Variants in WDR72 observed in about 807,000 individuals in gnomAD.
The protein encoded by WDR72 is WD repeat domain 72, also known as WD repeat-containing protein 72.
Under a neutral mutation model 124.2 loss-of-function variants are expected in WDR72, and 120 were observed. That is an observed-to-expected ratio of 0.97 (90% CI 0.83 to 1.12). The LOEUF is 1.12. WDR72 is among the 50% of genes most tolerant of loss of function. The pLI is 0.00. For missense variants in WDR72, 1,387 were observed against 1,278.8 expected (o/e 1.08, Z -1.29); for synonymous variants, 452 against 441.7 (o/e 1.02, Z -0.29).
intron 14 of WDR72, among the ~76,000 whole-genome samples, chr15:53,634,657 G>A (rs1484594589): frequency 6.6e-6 from 1 of 152,166 alleles, no homozygotes; most frequent in Non-Finnish European, 1.5e-5. Context: ...AGAACAGAAA[G>A]TCCTTTAGAC....
At chr15:53,607,641 G>A (rs1306182385) in intron 17 of WDR72, among the ~76,000 whole-genome samples, 2 of 152,056 alleles carry the variant, frequency 1.3e-5, no homozygotes, top group Non-Finnish European at 2.9e-5. Flanking sequence ...GGCAACCAAT[G>A]CAAAAATGGA....
intron 1 of WDR72, among the ~76,000 whole-genome samples, chr15:53,733,604 A>G (rs890671172): frequency 2.0e-5 from 3 of 152,206 alleles, no homozygotes; most frequent in Non-Finnish European, 2.9e-5. Flanking sequence ...TGAATTTGCT[A>G]TTAAAAAAAT....
intron 1 of WDR72, among the ~76,000 whole-genome samples, chr15:53,739,942 C>T (rs943579189): frequency 6.6e-5 from 10 of 152,152 alleles, no homozygotes; most frequent in African/African-American, 2.4e-4. Context: ...GAAATTCACC[C>T]ACCCTGCTGA....
chr15:53,665,152 T>C (rs918141964), intron 14 of WDR72, among the ~76,000 whole-genome samples: 14 of 152,272 alleles, frequency 9.2e-5, no homozygotes, highest in Admixed American at 6.5e-4. Flanking sequence ...CCTACAGATA[T>C]TGGTTATATC....
chr15:53,533,618 T>C (rs1892601966), intron 18 of WDR72, among the ~76,000 whole-genome samples: 1 of 152,136 alleles, frequency 6.6e-6, no homozygotes, highest in Non-Finnish European at 1.5e-5. Context: ...TCAACTCGCA[T>C]TTAGCGATTT....
At chr15:53,624,143 G>C (rs903812181) in intron 14 of WDR72, among the ~76,000 whole-genome samples, 3 of 152,126 alleles carry the variant, frequency 2.0e-5, no homozygotes, top group Non-Finnish European at 4.4e-5. Flanking sequence ...AGGGTAAGAA[G>C]GTATGCATAT....
intron 13 of WDR72, among the ~76,000 whole-genome samples, chr15:53,670,857 C>T (rs2015960776): frequency 6.6e-6 from 1 of 152,176 alleles, no homozygotes; most frequent in African/African-American, 2.4e-5. Flanking sequence ...TAACAAACCT[C>T]TTTGGCCCCC....
At chr15:53,681,216 C>G (rs1036581431) in intron 13 of WDR72, among the ~76,000 whole-genome samples, 1 of 152,172 alleles carries the variant, frequency 6.6e-6, no homozygotes, top group Non-Finnish European at 1.5e-5. Flanking sequence ...CTGAGTCTTG[C>G]GTTTCCAATT....
intron 18 of WDR72, among the ~76,000 whole-genome samples, chr15:53,530,970 A>T (rs1022316224): frequency 6.6e-6 from 1 of 152,094 alleles, no homozygotes; most frequent in African/African-American, 2.4e-5. Context: ...GCTGACAGCC[A>T]TCTCTATCTC....
rs2140193322 is a variant in WDR72, at chr15:53,517,170, T to G, written c.*529A>C. ...GGTATTTGTTGACAACATTTCATGC[T>G]TAGGGATGAGATTTACTGCAGTAAT... On this transcript the variant is annotated 3_prime_UTR_variant, in exon 20 of 20. Coordinates refer to ENST00000360509, the MANE Select transcript of WDR72 (RefSeq NM_182758.4). 1 of 162,756 alleles carries G rather than the reference T, an allele frequency of 6.1e-6. No individual in the cohort carries two copies. The highest frequency in any genetic ancestry group is 1.7e-4 in the East Asian group (1 of 5,764). The allele number at this position is 162,756 out of a possible 1,614,324, so 10.1% of individuals were successfully genotyped here.
Position 53,722,823 on chromosome 15 carries a change from A to C in WDR72, c.239T>G (p.Ile80Ser). Residue 80 changes from isoleucine to serine, a missense_variant, in exon 3 of 20, where the codon ATT (isoleucine) becomes AGT (serine). By Grantham distance (142) the Ile-to-Ser change is moderately radical. Coordinates refer to ENST00000360509, the MANE Select transcript of WDR72 (RefSeq NM_182758.4). ...CTACCCATTTTCAGCAGCACTAACAATGTAGGGCTGTTTAGAGAAGTCCCT... is the reference window on the plus strand; with the variant it reads ...CTACCCATTTTCAGCAGCACTAACACTGTAGGGCTGTTTAGAGAAGTCCCT... ...RARDFSKQPYIVSAAENGEMC... is the reference protein window; with the variant it reads ...RARDFSKQPYSVSAAENGEMC... The C allele has an allele frequency of 6.2e-7, 1 of 1,613,166 alleles. No homozygotes were observed. The highest frequency in any genetic ancestry group is 8.5e-7 in the Non-Finnish European group (1 of 1,179,966).
chr15:53,574,274 A>C (rs1187615751), intron 18 of WDR72, among the ~76,000 whole-genome samples: 1 of 152,230 alleles, frequency 6.6e-6, no homozygotes, highest in Non-Finnish European at 1.5e-5. Context: ...GATGCCTTCT[A>C]TACATGCCTA....
chr15:53,648,719 ATTAAAT>A (rs2015129975), intron 14 of WDR72, among the ~76,000 whole-genome samples: 2 of 152,134 alleles, frequency 1.3e-5, no homozygotes, highest in Non-Finnish European at 2.9e-5. Flanking sequence ...ACACATACTT[ATTAAAT>A]TGAAATCAAT....
intron 11 of WDR72, 114 bp downstream of exon 11, chr15:53,704,874 T>C: frequency 8.3e-7 from 1 of 1,211,474 alleles, no homozygotes; most frequent in Non-Finnish European, 1.2e-6. Flanking sequence ...TATGTACATA[T>C]TTATCAGCAA....
chr15:53,705,549 A>C (rs1166336330), intron 10 of WDR72, among the ~76,000 whole-genome samples: 2 of 151,770 alleles, frequency 1.3e-5, no homozygotes, highest in East Asian at 3.9e-4. Flanking sequence ...CGCAACCTCC[A>C]CCTCCTGGGT....
intron 14 of WDR72, among the ~76,000 whole-genome samples, chr15:53,647,638 C>G (rs898697741): frequency 2.6e-5 from 4 of 152,122 alleles, no homozygotes; most frequent in African/African-American, 9.6e-5. Flanking sequence ...ACGGCTTCTG[C>G]TTCATTAGCT....
intron 1 of WDR72, among the ~76,000 whole-genome samples, chr15:53,743,733 T>C (rs1254630753): frequency 1.3e-5 from 2 of 152,136 alleles, no homozygotes; most frequent in African/African-American, 2.4e-5. Flanking sequence ...TCCCAGCACT[T>C]TGGGAGGCCG....
At chr15:53,704,727 T>G (rs1159044727) in intron 11 of WDR72, among the ~76,000 whole-genome samples, 1 of 136,262 alleles carries the variant, frequency 7.3e-6, no homozygotes, top group Middle Eastern at 4.3e-3. Flanking sequence ...AGAAATGGGG[T>G]TTCACCGTGT....
chr15:53,620,189 G>A (rs2013933637), intron 14 of WDR72, among the ~76,000 whole-genome samples: 1 of 151,868 alleles, frequency 6.6e-6, no homozygotes. Context: ...GGATTTTGCT[G>A]TTTCAATAAG....
Sources: gnomAD v4.1 joint callset for allele counts (sites outside exome capture counted in the v4.1 genomes callset) on GRCh38, gnomAD v4.1.1 for gene constraint, MANE v1.5 for transcripts, NCBI Gene and HGNC (gene_info 2026-07-23, HGNC 2026-07-21) for gene names.